TSPAN5: variants seen among roughly 807,000 people sequenced by gnomAD.
TSPAN5 encodes tetraspanin-5.
A neutral mutation model predicts 37.1 loss-of-function variants in TSPAN5; 10 were observed. The observed-to-expected ratio is 0.27, with a 90% CI of 0.17 to 0.46. The LOEUF is 0.46. Among genes scored for constraint, TSPAN5 ranks in the 20% least tolerant of loss-of-function variants. The pLI is 1.00. For missense variants in TSPAN5, 195 were observed against 326.6 expected (o/e 0.60, Z 3.11); for synonymous variants, 110 against 118.9 (o/e 0.93, Z 0.48).
intron 1 of TSPAN5, among the ~76,000 whole-genome samples, chr4:98,524,770 A>G (rs1236550499): frequency 6.6e-6 from 1 of 152,012 alleles, no homozygotes; most frequent in East Asian, 1.9e-4. Flanking sequence ...TAACTGTTCA[A>G]TGCTCAAAAG....
chr4:98,530,728 T>A (rs1754061980), intron 1 of TSPAN5, among the ~76,000 whole-genome samples: 1 of 71,316 alleles, frequency 1.4e-5, no homozygotes, highest in Non-Finnish European at 2.6e-5. Context: ...ACACACATAT[T>A]ATACACACAC....
chr4:98,620,481 G>A (rs1756456623), intron 1 of TSPAN5, among the ~76,000 whole-genome samples: 1 of 152,166 alleles, frequency 6.6e-6, no homozygotes, highest in South Asian at 2.1e-4. Context: ...TTCCTGACCT[G>A]CAGAGTCCAC....
chr4:98,544,847 A>G (rs1452700237), intron 1 of TSPAN5, among the ~76,000 whole-genome samples: 1 of 152,208 alleles, frequency 6.6e-6, no homozygotes, highest in Non-Finnish European at 1.5e-5. Flanking sequence ...AGGTGTTAAC[A>G]CTACTCTCAG....
At chr4:98,530,349 T>C (rs1168521733) in intron 1 of TSPAN5, among the ~76,000 whole-genome samples, 1 of 152,244 alleles carries the variant, frequency 6.6e-6, no homozygotes, top group African/African-American at 2.4e-5. Flanking sequence ...CTTCTGTACA[T>C]GACTAACTGT....
At chr4:98,657,705 C>A in intron 1 of TSPAN5, 1 of 244,002 alleles carries the variant, frequency 4.1e-6, no homozygotes, top group Middle Eastern at 1.4e-3. Context: ...GGAGCCAAGC[C>A]CTCGTCCAAT....
intron 1 of TSPAN5, among the ~76,000 whole-genome samples, chr4:98,589,231 T>A (rs1265395838): frequency 6.6e-6 from 1 of 152,220 alleles, no homozygotes; most frequent in African/African-American, 2.4e-5. Flanking sequence ...ACACTGTGAA[T>A]TCCAGGATAG....
At chr4:98,627,168 G>A (rs1756626015) in intron 1 of TSPAN5, among the ~76,000 whole-genome samples, 1 of 152,012 alleles carries the variant, frequency 6.6e-6, no homozygotes, top group Non-Finnish European at 1.5e-5. Flanking sequence ...CACATCAGCT[G>A]GCCTGTAATT....
rs184236188 is a variant in TSPAN5, at chr4:98,471,356, G to T, written c.*1166C>A. On this transcript the variant is annotated 3_prime_UTR_variant, in exon 8 of 8. Coordinates refer to ENST00000305798, the MANE Select transcript of TSPAN5 (RefSeq NM_005723.4). ...GGGTGCAGAAAAGGCCACTCAGATC[G>T]ACTCTGGAAGAGATCATCAAGACCA... 2 of 152,114 alleles carry T rather than the reference G, an allele frequency of 1.3e-5. No homozygotes were observed. Among genetic ancestry groups the T allele is most frequent in the African/African-American group, 2.4e-5 (1 of 41,408 alleles). 9.4% of individuals were successfully genotyped at this position (152,114 alleles called of 1,614,324 possible).
chr4:98,551,226 T>A (rs1340570463), intron 1 of TSPAN5, among the ~76,000 whole-genome samples: 8 of 152,178 alleles, frequency 5.3e-5, no homozygotes, highest in Non-Finnish European at 1.0e-4. Flanking sequence ...TTAGGATAAA[T>A]CCCACCTGAT....
At chr4:98,515,513 C>G (rs775389806) in intron 1 of TSPAN5, among the ~76,000 whole-genome samples, 52 of 88,738 alleles carry the variant, frequency 5.9e-4, no homozygotes, top group Admixed American at 3.1e-4. Context: ...TGATCAGAGG[C>G]TCTCTCTCTC....
intron 1 of TSPAN5, among the ~76,000 whole-genome samples, chr4:98,522,268 G>A (rs1423769988): frequency 6.6e-6 from 1 of 152,160 alleles, no homozygotes; most frequent in Non-Finnish European, 1.5e-5. Flanking sequence ...AATGAAACCT[G>A]ATTGATAACA....
intron 1 of TSPAN5, among the ~76,000 whole-genome samples, chr4:98,608,659 A>C (rs926571760): frequency 3.3e-5 from 5 of 152,166 alleles, no homozygotes; most frequent in Admixed American, 1.3e-4. Flanking sequence ...TCTCCAGGAA[A>C]AAGAAAAAAA....
In TSPAN5 at chr4:98,657,517, C is replaced by G. The variant is rs1182448466; in HGVS notation, c.81+629G>C. On this transcript the variant is annotated intron_variant, in intron 1 of 7. Coordinates refer to ENST00000305798, the MANE Select transcript of TSPAN5 (RefSeq NM_005723.4). Reference sequence around the variant, plus strand: ...AAATAAATCCCTCTACCCCGCACCCCCACTGACCAGTCCATTACGCACAGG... The same window carrying G: ...AAATAAATCCCTCTACCCCGCACCCGCACTGACCAGTCCATTACGCACAGG... The G allele has an allele frequency of 2.6e-5, 4 of 155,258 alleles. No homozygotes were observed. In the Admixed American group the frequency reaches 2.6e-4, roughly 10 times the overall value. 9.6% of individuals were successfully genotyped at this position (155,258 alleles called of 1,614,324 possible). A position where few individuals can be genotyped will look rare whatever the true frequency, so the allele number is the denominator to read the frequency against.
chr4:98,641,389 C>T (rs1208144032), intron 1 of TSPAN5, among the ~76,000 whole-genome samples: 2 of 152,186 alleles, frequency 1.3e-5, no homozygotes, highest in African/African-American at 4.8e-5. Flanking sequence ...GCTTAACTTA[C>T]TCAATATACA....
At chr4:98,510,156 C>T (rs1753573471) in intron 1 of TSPAN5, among the ~76,000 whole-genome samples, 1 of 152,170 alleles carries the variant, frequency 6.6e-6, no homozygotes, top group South Asian at 2.1e-4. Flanking sequence ...AATAGGCGCT[C>T]TTATTATCCC....
chr4:98,591,121 TA>T lies in TSPAN5; in HGVS notation c.81+67024del, dbSNP rs370186327. On this transcript the variant is annotated intron_variant, in intron 1 of 7. Transcript: ENST00000305798. ...TGAAAACTGCTTTTATTTACAGACATATTTTTTTTAGGTAGGAAGTTCTAAA... is the reference window on the plus strand; with the variant it reads ...TGAAAACTGCTTTTATTTACAGACATTTTTTTTTAGGTAGGAAGTTCTAAA... 2.2e-3 allele frequency among the ~76,000 whole-genome samples: 328 copies of T among 150,934 alleles called. 2 individuals carry two copies. The highest frequency in any genetic ancestry group is 0.013 in the South Asian group (63 of 4,772).
chr4:98,486,551 G>A, intron 3 of TSPAN5, 187 bp downstream of exon 3: 1 of 606,136 alleles, frequency 1.6e-6, no homozygotes, highest in Non-Finnish European at 2.9e-6. Flanking sequence ...GGGTGGTGTT[G>A]TACTTATTAA....
rs531028651 is a variant in TSPAN5 at position 98,618,003 on chromosome 4, T to C, written c.81+40143A>G. ...CCATGGCATCTGCCACTGTCCTTGG[T>C]CTTCTGAACAGAAGGTGTGGAGCTC... On this transcript the variant is annotated intron_variant, in intron 1 of 7. Transcript: ENST00000305798. Among the ~76,000 whole-genome samples, 152 of 152,342 alleles carry C rather than the reference T, an allele frequency of 1.0e-3. 1 individual carries two copies. The highest frequency in any genetic ancestry group is 3.4e-3 in the Middle Eastern group (1 of 294).
intron 1 of TSPAN5, among the ~76,000 whole-genome samples, chr4:98,631,488 G>T (rs1273317453): frequency 1.3e-5 from 2 of 151,206 alleles, no homozygotes; most frequent in Non-Finnish European, 3.0e-5. Context: ...TTTTTTTTTG[G>T]CATTTGCTAT....
Sources: allele counts gnomAD v4.1 joint callset (sites outside exome capture counted in the v4.1 genomes callset), GRCh38; gene constraint gnomAD v4.1.1; transcripts MANE v1.5; gene names NCBI Gene and HGNC (gene_info 2026-07-23, HGNC 2026-07-21).